The following THSD7B variants were observed in gnomAD, a reference collection of about 807,000 sequenced individuals.
THSD7B encodes the protein thrombospondin type 1 domain containing 7B, also known as thrombospondin type-1 domain-containing protein 7B.
In THSD7B, 138 loss-of-function variants were observed where a neutral mutation model predicts 213.6. That is an observed-to-expected ratio of 0.65 (90% CI 0.56 to 0.74). THSD7B has a LOEUF of 0.74. Among genes scored for constraint, THSD7B ranks in the 30% least tolerant of loss-of-function variants. The probability of loss-of-function intolerance (pLI) is 0.00; values close to 1 mark genes in which losing one functional copy is unlikely to be tolerated. For synonymous variants in THSD7B, 742 were observed against 687.0 expected, an observed-to-expected ratio of 1.08 and a Z score of -1.25; for missense variants, 1,931 against 1,991.5, an observed-to-expected ratio of 0.97 and a Z score of 0.58.
chr2:136,844,462 CAGAGAGAGAGAGAGAGAG>C, intron 1 of THSD7B, among the ~76,000 whole-genome samples: 1 of 142,618 alleles, frequency 7.0e-6, no homozygotes, highest in Middle Eastern at 3.5e-3. Context: ...CCACCCAAAA[CAGAGAGAGAGAGAGAGAG>C]AGAGAGAGAG....
At chr2:137,449,308 G>A (rs1687602812) in intron 14 of THSD7B, among the ~76,000 whole-genome samples, 3 of 152,170 alleles carry the variant, frequency 2.0e-5, no homozygotes, top group African/African-American at 7.2e-5. Flanking sequence ...AATGATGAAG[G>A]AGGGTCTAAG....
At chr2:136,789,020 G>C (rs958668098) in intron 1 of THSD7B, among the ~76,000 whole-genome samples, 1 of 152,064 alleles carries the variant, frequency 6.6e-6, no homozygotes, top group African/African-American at 2.4e-5. Flanking sequence ...GTATGCAGTT[G>C]ATTAGGAGGT....
At chr2:136,863,606 A>C (rs1415963539) in intron 1 of THSD7B, among the ~76,000 whole-genome samples, 2 of 152,196 alleles carry the variant, frequency 1.3e-5, no homozygotes, top group African/African-American at 4.8e-5. Context: ...ATTTGGCCTC[A>C]TTTCTCTGAA....
chr2:136,981,829 C>T (rs956122193), intron 2 of THSD7B, among the ~76,000 whole-genome samples: 1 of 152,188 alleles, frequency 6.6e-6, no homozygotes, highest in African/African-American at 2.4e-5. Flanking sequence ...GTCTTTGGCT[C>T]ACCCACCCCT....
chr2:137,508,531 C>G (rs1304752612), intron 15 of THSD7B, among the ~76,000 whole-genome samples: 2 of 148,242 alleles, frequency 1.3e-5, no homozygotes, highest in Non-Finnish European at 3.0e-5. Context: ...CGCCTGCCAC[C>G]ATGCCCGGCT....
intron 12 of THSD7B, among the ~76,000 whole-genome samples, chr2:137,337,300 C>T (rs186288757): frequency 6.6e-6 from 1 of 152,036 alleles, no homozygotes; most frequent in African/African-American, 2.4e-5. Flanking sequence ...TGGGACAGTT[C>T]TTCACTCTTT....
intron 1 of THSD7B, among the ~76,000 whole-genome samples, chr2:136,821,704 T>C (rs1439021561): frequency 6.6e-6 from 1 of 152,216 alleles, no homozygotes; most frequent in Admixed American, 6.5e-5. Context: ...TGGTGTTCAC[T>C]GTGAGCTTCT....
At chr2:137,278,039 G>A (rs899167321) in intron 12 of THSD7B, among the ~76,000 whole-genome samples, 1 of 152,038 alleles carries the variant, frequency 6.6e-6, no homozygotes, top group African/African-American at 2.4e-5. Flanking sequence ...GTGGAGATGC[G>A]GGGCTAGACT....
At chr2:136,807,508 C>CTTTTTTTTTTTTTTTTTTTTTTTTTTT (rs1314267493) in intron 1 of THSD7B, among the ~76,000 whole-genome samples, 1 of 49,576 alleles carries the variant, frequency 2.0e-5, no homozygotes, top group African/African-American at 8.4e-5. Context: ...CAAAATGTTT[C>CTTTTTTTTTTTTTTTTTTTTTTTTTTT]GTTTTTTTTT....
At chr2:137,545,587 A>G (rs1300785787) in intron 15 of THSD7B, among the ~76,000 whole-genome samples, 2 of 151,922 alleles carry the variant, frequency 1.3e-5, no homozygotes, top group Admixed American at 6.6e-5. Context: ...GATGCTGCCC[A>G]TCTCCTAAAT....
chr2:137,639,759 A>G (rs1682903455), intron 20 of THSD7B, among the ~76,000 whole-genome samples: 1 of 152,106 alleles, frequency 6.6e-6, no homozygotes, highest in Non-Finnish European at 1.5e-5. Context: ...GGAGCTTTAA[A>G]ATTTGACTGC....
intron 20 of THSD7B, among the ~76,000 whole-genome samples, chr2:137,624,217 A>G (rs945156022): frequency 8.5e-5 from 13 of 152,262 alleles, no homozygotes; most frequent in African/African-American, 3.1e-4. Flanking sequence ...GACAAAAACA[A>G]GAAATGGGAA....
intron 5 of THSD7B, among the ~76,000 whole-genome samples, chr2:137,131,165 C>T (rs968800769): frequency 2.5e-4 from 36 of 141,720 alleles, no homozygotes; most frequent in African/African-American, 9.1e-4. Context: ...TTTTTGGCTG[C>T]ATAAGTGTCT....
At position 137,379,380 on chromosome 2, in the gene THSD7B, T is replaced by C. The variant is rs113593544; in HGVS notation, c.2501-26233T>C. On this transcript the variant is annotated intron_variant, in intron 12 of 27. Coordinates refer to ENST00000409968, the MANE Select transcript of THSD7B (RefSeq NM_001316349.2). ...GCACCCTAACAAGCAATTATGGTTT[T>C]ATTGTTTAATTCAATTTCCACAACT... is the stretch of plus-strand genomic sequence containing the variant. Among the ~76,000 whole-genome samples, 1,379 of 152,328 alleles carry C rather than the reference T, an allele frequency of 9.1e-3. 16 individuals carry two copies. Among genetic ancestry groups the C allele is most frequent in the African/African-American group, 0.032 (1,311 of 41,578 alleles).
chr2:136,978,652 ATCCT>A (rs1685526286), intron 2 of THSD7B, among the ~76,000 whole-genome samples: 1 of 151,860 alleles, frequency 6.6e-6, no homozygotes, highest in African/African-American at 2.4e-5. Context: ...ATTTTCCTCC[ATCCT>A]TTTATTTTGA....
chr2:137,389,318 C>A (rs1685966062), intron 12 of THSD7B, among the ~76,000 whole-genome samples: 1 of 143,974 alleles, frequency 6.9e-6, no homozygotes, highest in African/African-American at 2.5e-5. Flanking sequence ...GTGATATTAA[C>A]TATTTTTCAA....
intron 12 of THSD7B, among the ~76,000 whole-genome samples, chr2:137,331,976 A>G (rs1014280256): frequency 4.6e-5 from 7 of 151,742 alleles, no homozygotes; most frequent in Middle Eastern, 3.4e-3. Context: ...CCCGGTTCCC[A>G]CTCGCGCCTC....
chr2:137,297,188 G>A (rs1280814947), intron 12 of THSD7B, among the ~76,000 whole-genome samples: 1 of 148,820 alleles, frequency 6.7e-6, no homozygotes, highest in Admixed American at 6.8e-5. Context: ...GGGAGCTGAG[G>A]CAGGAGAAGT....
Position 136,903,290 on chromosome 2 carries a change from T to G in THSD7B, c.139+20973T>G, listed in dbSNP as rs1573700665. ...ACTGCTAGCATAGGAAGACCAAGTT[T>G]CTAGCTGAGGAAAAGGAGTAAGGTG... is the stretch of plus-strand genomic sequence containing the variant. On this transcript the variant is annotated intron_variant, in intron 2 of 27. Coordinates refer to ENST00000409968, the MANE Select transcript of THSD7B (RefSeq NM_001316349.2). 2.0e-5 allele frequency among the ~76,000 whole-genome samples: 3 copies of G among 152,280 alleles called. No homozygotes were observed. The East Asian group carries it at 5.8e-4, about 29-fold the overall frequency.
Sources: allele counts gnomAD v4.1 joint callset (sites outside exome capture counted in the v4.1 genomes callset), GRCh38; gene constraint gnomAD v4.1.1; transcripts MANE v1.5; gene names NCBI Gene and HGNC (gene_info 2026-07-23, HGNC 2026-07-21).